Variants in CSMD3 observed in about 807,000 individuals in gnomAD.
CSMD3 encodes the protein CUB and sushi domain-containing protein 3.
In CSMD3, 177 loss-of-function variants were observed where a neutral mutation model predicts 435.2. The observed-to-expected ratio is 0.41, with a 90% CI of 0.36 to 0.46. The LOEUF is 0.46. Ranked by LOEUF, CSMD3 falls within the 20% of genes least tolerant of loss-of-function variation. The pLI is 0.34. For synonymous variants in CSMD3, 1,656 were observed against 1,520.5 expected (o/e 1.09, Z -2.07); for missense variants, 4,265 against 4,504.6 (o/e 0.95, Z 1.52).
intron 30 of CSMD3, among the ~76,000 whole-genome samples, chr8:112,494,818 C>T (rs549834192): frequency 9.9e-5 from 15 of 152,080 alleles, no homozygotes; most frequent in Non-Finnish European, 1.5e-4. Flanking sequence ...GGTAAAAAGG[C>T]GATGGGAAAC....
intron 45 of CSMD3, among the ~76,000 whole-genome samples, chr8:112,326,973 GC>G (rs1174804044): frequency 6.6e-6 from 1 of 152,164 alleles, no homozygotes; most frequent in African/African-American, 2.4e-5. Context: ...AGTCAGCTGA[GC>G]TTGTGCCGCT....
chr8:112,341,381 CT>C (rs1586818587), intron 42 of CSMD3, 95 bp downstream of exon 42: 2 of 756,238 alleles, frequency 2.6e-6, no homozygotes, highest in Middle Eastern at 7.7e-4. Flanking sequence ...TTTTTTCTTT[CT>C]AAAACAGAAT....
chr8:113,406,568 C>T (rs1022392921), intron 1 of CSMD3, among the ~76,000 whole-genome samples: 1 of 151,770 alleles, frequency 6.6e-6, no homozygotes, highest in Non-Finnish European at 1.5e-5. Context: ...ATAGTAAGCT[C>T]CAAAAGTTCA....
In CSMD3 at chr8:113,112,482, C is replaced by CGT. The variant is rs1432040138; in HGVS notation, c.710-13520_710-13519insAC. The stretch of plus-strand genomic sequence containing the variant: ...ACACACACACACACACGTACACACA[C>CGT]ACACACACACACACACACACTTGTG... On this transcript the variant is annotated intron_variant, in intron 4 of 70. Coordinates refer to ENST00000297405, the MANE Select transcript of CSMD3 (RefSeq NM_198123.2). Among the ~76,000 whole-genome samples, 74 of 122,478 alleles carry CGT rather than the reference C, an allele frequency of 6.0e-4. 4 individuals carry two copies. The highest frequency in any genetic ancestry group is 1.0e-3 in the South Asian group (4 of 3,860). 80.4% of individuals were successfully genotyped at this position (122,478 alleles called of 152,430 possible). A position where few individuals can be genotyped will look rare whatever the true frequency, so the allele number is the denominator to read the frequency against.
intron 24 of CSMD3, among the ~76,000 whole-genome samples, chr8:112,570,375 C>T (rs769475280): frequency 5.3e-5 from 8 of 152,278 alleles, no homozygotes; most frequent in Admixed American, 2.0e-4. Context: ...AATGTGATAA[C>T]GGTTATATTA....
At chr8:112,782,309 A>G (rs994211580) in intron 13 of CSMD3, among the ~76,000 whole-genome samples, 5 of 152,144 alleles carry the variant, frequency 3.3e-5, no homozygotes, top group African/African-American at 7.2e-5. Context: ...TGAAGAATGC[A>G]TCAGTCTCCC....
At chr8:112,676,552 T>C (rs1220614040) in intron 16 of CSMD3, among the ~76,000 whole-genome samples, 1 of 152,120 alleles carries the variant, frequency 6.6e-6, no homozygotes, top group Admixed American at 6.6e-5. Flanking sequence ...GAATTTCAGA[T>C]TCTATAACAA....
chr8:112,748,064 G>C (rs2077481826), intron 13 of CSMD3, among the ~76,000 whole-genome samples: 1 of 151,494 alleles, frequency 6.6e-6, no homozygotes, highest in African/African-American at 2.4e-5. Context: ...AACAGGAAAA[G>C]ACTGTTTCCC....
At chr8:112,320,831 A>G (rs12155729) in intron 45 of CSMD3, among the ~76,000 whole-genome samples, 65,907 of 151,976 alleles carry the variant, frequency 0.43, 14,903 homozygotes, top group Middle Eastern at 0.53. Context: ...TTGAACCTAG[A>G]TAGCCTGGCT....
At chr8:113,083,576 A>T (rs1353462503) in intron 5 of CSMD3, among the ~76,000 whole-genome samples, 1 of 152,076 alleles carries the variant, frequency 6.6e-6, no homozygotes, top group Admixed American at 6.5e-5. Context: ...AAAGTATACA[A>T]CTCACTGGTA....
chr8:112,372,405 A>C (rs954887015), intron 38 of CSMD3, among the ~76,000 whole-genome samples: 5 of 152,200 alleles, frequency 3.3e-5, no homozygotes, highest in East Asian at 1.9e-4. Flanking sequence ...AATATTAATA[A>C]GACCAAGGTG....
chr8:113,126,103 T>C (rs112478595), intron 4 of CSMD3, among the ~76,000 whole-genome samples: 9 of 152,134 alleles, frequency 5.9e-5, no homozygotes, highest in African/African-American at 1.9e-4. Flanking sequence ...GCATAGGAAG[T>C]GTATAACTCT....
chr8:112,472,580 A>T lies in CSMD3; in HGVS notation c.5395+11T>A. Reference sequence around the variant, plus strand: ...GATGAAATACTACATAATGAGTCGAATCTTACTTACCAAACTCCTTTGGAA... The same window carrying T: ...GATGAAATACTACATAATGAGTCGATTCTTACTTACCAAACTCCTTTGGAA... On this transcript the variant is annotated intron_variant, in intron 32 of 70. Coordinates refer to ENST00000297405, the MANE Select transcript of CSMD3 (RefSeq NM_198123.2). 7.4e-7 allele frequency: 1 copy of T among 1,357,404 alleles called. No individual in the cohort carries two copies. The highest frequency in any genetic ancestry group is 1.2e-5 in the South Asian group (1 of 86,064). 84.1% of individuals were successfully genotyped at this position (1,357,404 alleles called of 1,614,324 possible).
At chr8:113,435,331 A>C (rs987169077) in intron 1 of CSMD3, among the ~76,000 whole-genome samples, 1 of 152,110 alleles carries the variant, frequency 6.6e-6, no homozygotes, top group Non-Finnish European at 1.5e-5. Flanking sequence ...TTTGGGATGT[A>C]AATTAAAATT....
chr8:113,227,190 G>A (rs1167093938), intron 3 of CSMD3, among the ~76,000 whole-genome samples: 1 of 151,490 alleles, frequency 6.6e-6, no homozygotes, highest in Admixed American at 6.6e-5. Flanking sequence ...AAAAATTAGA[G>A]AAATAACAGA....
chr8:113,287,632 T>TA (rs2093656524), intron 2 of CSMD3, among the ~76,000 whole-genome samples: 1 of 151,994 alleles, frequency 6.6e-6, no homozygotes, highest in African/African-American at 2.4e-5. Context: ...ATGTGCTGGG[T>TA]ATACATGTAA....
intron 1 of CSMD3, among the ~76,000 whole-genome samples, chr8:113,382,864 C>T (rs1212736909): frequency 6.6e-6 from 1 of 152,030 alleles, no homozygotes; most frequent in Non-Finnish European, 1.5e-5. Context: ...TCCTGTAATC[C>T]CAGCTACTTG....
At chr8:112,516,749 T>A (rs1379938841) in intron 28 of CSMD3, among the ~76,000 whole-genome samples, 1 of 152,166 alleles carries the variant, frequency 6.6e-6, no homozygotes, top group South Asian at 2.1e-4. Context: ...TGGATAACTA[T>A]GGCTACATAG....
intron 13 of CSMD3, among the ~76,000 whole-genome samples, chr8:112,774,707 G>T (rs2078204126): frequency 6.6e-6 from 1 of 151,848 alleles, no homozygotes; most frequent in Admixed American, 6.6e-5. Context: ...GTCTTTTAAA[G>T]GTCTTCAGAT....
Sources: gnomAD v4.1 joint callset for allele counts (sites outside exome capture counted in the v4.1 genomes callset) on GRCh38, gnomAD v4.1.1 for gene constraint, MANE v1.5 for transcripts, NCBI Gene and HGNC (gene_info 2026-07-23, HGNC 2026-07-21) for gene names.